PRDM2: variants seen among roughly 807,000 people sequenced by gnomAD.
PRDM2 encodes PR/SET domain 2.
PRDM2 carries 30 observed loss-of-function variants against 130.0 expected under a neutral mutation model. The ratio of observed to expected loss-of-function variants is 0.23; its 90% CI spans 0.17 to 0.31. The LOEUF (loss-of-function observed/expected upper bound fraction) is 0.31, where lower values mean the gene tolerates loss of function less well. Ranked by LOEUF, PRDM2 falls within the 10% of genes least tolerant of loss-of-function variation. The probability of loss-of-function intolerance (pLI) is 1.00; values close to 1 mark genes in which losing one functional copy is unlikely to be tolerated. For missense variants in PRDM2, 2,011 were observed against 2,108.4 expected (o/e 0.95, Z 0.90); for synonymous variants, 871 against 782.4 (o/e 1.11, Z -1.89).
intron 8 of PRDM2, among the ~76,000 whole-genome samples, chr1:13,802,720 C>T (rs1236147828): frequency 6.6e-6 from 1 of 152,190 alleles, no homozygotes; most frequent in Non-Finnish European, 1.5e-5. Context: ...TCATAAGGGA[C>T]CATCATCTCT....
intron 9 of PRDM2, among the ~76,000 whole-genome samples, chr1:13,819,807 C>G (rs534276089): frequency 1.3e-5 from 2 of 152,304 alleles, no homozygotes; most frequent in African/African-American, 4.8e-5. Flanking sequence ...AGCAAGCTCT[C>G]TGGTGTCTCT....
chr1:13,780,665 C>T lies in PRDM2; in HGVS notation c.2870C>T (p.Ser957Leu). The change falls in exon 8 of 10, where the codon TCA becomes TTA. Residue 957 changes from serine (S) to leucine (L), a missense_variant. This residue lies in a region of PRDM2 where 1,288 missense variants were observed against 1,237.7 expected (regional missense o/e 1.04). Transcript: ENST00000311066. ...CCTGCCCTGCAGACACCCTCCCTTT[C>T]ATCCGGTCAGCTGCCTCCTCTCTTG... is the stretch of plus-strand genomic sequence containing the variant. The part of the protein sequence containing the change: ...SSPALQTPSL[S>L]SGQLPPLLIP... The T allele has an allele frequency of 6.2e-7, 1 of 1,612,052 alleles. No individual in the cohort carries two copies. The highest frequency in any genetic ancestry group is 8.5e-7 in the Non-Finnish European group (1 of 1,178,776).
At chr1:13,746,724 T>G (rs917960931) in intron 5 of PRDM2, among the ~76,000 whole-genome samples, 4 of 152,008 alleles carry the variant, frequency 2.6e-5, no homozygotes, top group Admixed American at 2.0e-4. Context: ...GCCTTGCTAA[T>G]TTTTGTATTT....
chr1:13,741,972 A>G, intron 4 of PRDM2, 33 bp from the exon 5 acceptor site: 1 of 1,500,374 alleles, frequency 6.7e-7, no homozygotes. Context: ...CTCCTATTTT[A>G]ACAAAAGTTT....
Position 13,769,234 on chromosome 1 carries a change from G to A in PRDM2, c.512-3844G>A, listed in dbSNP as rs1041059968. ...GGCTCCTGCTCCTCTGCCTCACAGAGAGAAGCTCACAAATGCCATCTCCCC... is the reference window on the plus strand; with the variant it reads ...GGCTCCTGCTCCTCTGCCTCACAGAAAGAAGCTCACAAATGCCATCTCCCC... On this transcript the variant is annotated intron_variant, in intron 6 of 9. Transcript: ENST00000311066. 30 of 885,142 alleles carry A rather than the reference G, an allele frequency of 3.4e-5. 1 individual carries two copies. The Admixed American group carries it at 1.1e-3, about 33-fold the overall frequency. The allele number at this position is 885,142 out of a possible 1,614,324, so 54.8% of individuals were successfully genotyped here.
chr1:13,726,940 C>T (rs779792415), intron 2 of PRDM2, among the ~76,000 whole-genome samples: 1 of 152,126 alleles, frequency 6.6e-6, no homozygotes, highest in Non-Finnish European at 1.5e-5. Flanking sequence ...CCTTGCGGAG[C>T]TTGCGATCTG....
intron 1 of PRDM2, among the ~76,000 whole-genome samples, chr1:13,703,503 C>A (rs1033828585): frequency 6.6e-6 from 1 of 152,224 alleles, no homozygotes; most frequent in Non-Finnish European, 1.5e-5. Flanking sequence ...AAGTGGACTT[C>A]AGGTCTGTCC....
Position 13,782,615 on chromosome 1 carries a change from C to T in PRDM2, c.4820C>T (p.Thr1607Ile), listed in dbSNP as rs1207341670. The T allele has an allele frequency of 1.9e-6, 3 of 1,614,020 alleles. No homozygotes were observed. Among genetic ancestry groups the T allele is most frequent in the Admixed American group, 3.3e-5 (2 of 60,002 alleles). ...CATTCTGCTCAGCTTTCCAGCAAAA[C>T]ATCACGGAGCCTGCACGTGAGGGTA... is the stretch of plus-strand genomic sequence containing the variant. ...KNHSAQLSSK[T>I]SRSLHVRVQK... Residue 1607 changes from threonine to isoleucine, a missense_variant, in exon 8 of 10, where the codon ACA becomes ATA. Around this residue, in one of 5 missense-constraint regions of PRDM2, gnomAD observed 410 missense variants for 395.9 expected, o/e 1.04. Transcript: ENST00000311066.
intron 6 of PRDM2, 23 bp downstream of exon 6, chr1:13,749,510 GC>G: frequency 8.3e-7 from 1 of 1,200,014 alleles, no homozygotes; most frequent in East Asian, 5.8e-5. Context: ...CGGCCCGCCC[GC>G]CCGGCCCCGG....
chr1:13,701,091 A>G (rs976536712), intron 1 of PRDM2, among the ~76,000 whole-genome samples: 1 of 152,162 alleles, frequency 6.6e-6, no homozygotes, highest in Non-Finnish European at 1.5e-5. Flanking sequence ...AGCTGCGGCA[A>G]AGACCCCATA....
chr1:13,749,497 CCCCGG>C lies in PRDM2; in HGVS notation c.511+15_511+19del. On this transcript the variant is annotated intron_variant, in intron 6 of 9. Coordinates refer to ENST00000311066, the MANE Select transcript of PRDM2 (RefSeq NM_001393986.1). ...CCCAAGAGCCGGAAAGGTAGGAGCC[CCCCGG>C]CCCGCCCGCCCGGCCCCGGCGCCAC... 1 of 1,357,316 alleles carries C rather than the reference CCCCGG, an allele frequency of 7.4e-7. No individual in the cohort carries two copies. The highest frequency in any genetic ancestry group is 9.7e-7 in the Non-Finnish European group (1 of 1,031,466). 84.1% of individuals were successfully genotyped at this position (1,357,316 alleles called of 1,614,324 possible).
At chr1:13,748,865 G>C (rs1202247140) in intron 5 of PRDM2, among the ~76,000 whole-genome samples, 1 of 152,158 alleles carries the variant, frequency 6.6e-6, no homozygotes, top group Non-Finnish European at 1.5e-5. Flanking sequence ...TAGAAACCGC[G>C]GCGCATTTGT....
chr1:13,718,757 C>T (rs1642629401), intron 2 of PRDM2, among the ~76,000 whole-genome samples: 1 of 152,122 alleles, frequency 6.6e-6, no homozygotes, highest in South Asian at 2.1e-4. Flanking sequence ...CCTGGCTCTC[C>T]ATGCTCCCTT....
rs566468825 is a variant in PRDM2, at chr1:13,715,375, G to A, written c.-65-166G>A. 6.6e-5 allele frequency among the ~76,000 whole-genome samples: 10 copies of A among 152,326 alleles called. No individual in the cohort carries two copies. In the South Asian group the frequency reaches 1.4e-3, roughly 22 times the overall value. ...GTAGTAAGAAATCTATTTTACTGGA[G>A]ATAATAAATCTGACAAGGAAGCTCT... On this transcript the variant is annotated intron_variant, in intron 1 of 9. Transcript: ENST00000311066.
intron 1 of PRDM2, among the ~76,000 whole-genome samples, chr1:13,708,766 T>C (rs1569667188): frequency 6.6e-6 from 1 of 152,208 alleles, no homozygotes; most frequent in South Asian, 2.1e-4. Flanking sequence ...CTTTTGGTAT[T>C]GGGAGAAATC....
At chr1:13,767,467 A>ATTTTTTTTTT (rs372707092) in intron 6 of PRDM2, among the ~76,000 whole-genome samples, 1 of 114,012 alleles carries the variant, frequency 8.8e-6, no homozygotes. Flanking sequence ...AATTTTTTCT[A>ATTTTTTTTTT]TTTTTTTTTT....
In PRDM2 at chr1:13,779,121, A is replaced by G. The variant is rs777623779; in HGVS notation, c.1326A>G (p.Ser442=). 1 of 1,614,236 alleles carries G rather than the reference A, an allele frequency of 6.2e-7. No homozygotes were observed. The highest frequency in any genetic ancestry group is 1.3e-5 in the African/African-American group (1 of 75,058). Residue 442 remains serine (S), a synonymous_variant, in exon 8 of 10, where the codon TCA becomes TCG. Transcript: ENST00000311066. The surrounding 1 kb of genome is among the most constrained non-coding windows in gnomAD (Gnocchi z 4.9). ...DGKASGENVA[S]KDDSSPPSLG... ...AAGCATCTGGAGAAAACGTTGCTTC[A>G]AAAGATGATTCGAGTCCTCCCAGTC...
chr1:13,751,049 G>T (rs1193860521), intron 6 of PRDM2, among the ~76,000 whole-genome samples: 1 of 152,036 alleles, frequency 6.6e-6, no homozygotes, highest in Non-Finnish European at 1.5e-5. Flanking sequence ...TTACTTTAAC[G>T]CTTTTCTCTG....
chr1:13,741,476 C>T (rs573624217), intron 4 of PRDM2, among the ~76,000 whole-genome samples: 2 of 152,268 alleles, frequency 1.3e-5, no homozygotes, highest in African/African-American at 4.8e-5. Flanking sequence ...CGTGTTCACT[C>T]CTGAAGTCCC....
Sources: allele counts gnomAD v4.1 joint callset (sites outside exome capture counted in the v4.1 genomes callset), GRCh38; gene constraint gnomAD v4.1.1; regional missense constraint gnomAD v4.1.1; non-coding constraint Gnocchi (gnomAD v3.1); transcripts MANE v1.5; gene names NCBI Gene and HGNC (gene_info 2026-07-23, HGNC 2026-07-21).